Variants in TEX2 observed in about 807,000 individuals in gnomAD.
TEX2 encodes the protein testis-expressed protein 2.
Under a neutral mutation model 106.9 loss-of-function variants are expected in TEX2, and 53 were observed. The ratio of observed to expected loss-of-function variants is 0.50; its 90% CI spans 0.40 to 0.62. The LOEUF (loss-of-function observed/expected upper bound fraction) is 0.62, where lower values mean the gene tolerates loss of function less well. Among genes scored for constraint, TEX2 ranks in the 20% least tolerant of loss-of-function variants. TEX2 has a pLI of 0.00. For missense variants in TEX2, 1,207 were observed against 1,379.0 expected (o/e 0.88, Z 1.98); for synonymous variants, 523 against 534.8 (o/e 0.98, Z 0.30).
chr17:64,250,176 C>T (rs1240325845), intron 1 of TEX2, among the ~76,000 whole-genome samples: 1 of 152,240 alleles, frequency 6.6e-6, no homozygotes, highest in East Asian at 1.9e-4. Flanking sequence ...AGATCAGCCA[C>T]TGTCAGGGAC....
intron 5 of TEX2, among the ~76,000 whole-genome samples, chr17:64,178,234 C>A (rs2031693803): frequency 6.6e-6 from 1 of 152,218 alleles, no homozygotes; most frequent in South Asian, 2.1e-4. Flanking sequence ...AAACCCAAGT[C>A]TCCGATTTCC....
intron 7 of TEX2, among the ~76,000 whole-genome samples, chr17:64,164,410 CCT>C (rs1226683089): frequency 1.3e-5 from 2 of 151,714 alleles, no homozygotes; most frequent in Admixed American, 6.6e-5. Context: ...TGCACTCTAG[CCT>C]CTGTCTCAAA....
Position 64,147,694 on chromosome 17 carries a change from C to CA in TEX2, c.*1274dup. ...ACTGGAATGGTCAAACAATTTAAGT[C>CA]AAATGTTTTAATGGTGCAATTAAAA... On this transcript the variant is annotated 3_prime_UTR_variant, in exon 12 of 12. Transcript: ENST00000584379. The CA allele has an allele frequency of 6.6e-6, 1 of 152,626 alleles. No individual in the cohort carries two copies. Among genetic ancestry groups the CA allele is most frequent in the South Asian group, 2.1e-4 (1 of 4,822 alleles). The allele number at this position is 152,626 out of a possible 1,614,324, so 9.5% of individuals were successfully genotyped here.
chr17:64,188,306 C>T lies in TEX2; in HGVS notation c.2286G>A (p.Lys762=), dbSNP rs1598157103. 6.2e-7 allele frequency: 1 copy of T among 1,614,178 alleles called. No individual in the cohort carries two copies. The highest frequency in any genetic ancestry group is 8.5e-7 in the Non-Finnish European group (1 of 1,180,036). ...VEEIMSQPKQ[K]ELAGSVRQKM... is the part of the protein sequence containing the mutation. The stretch of plus-strand genomic sequence containing the variant: ...TCTGCCGCACGCTGCCTGCCAGCTC[C>T]TTCTGCTTTGGCTGTGACATGATCT... The change falls in exon 5 of 12, where the codon AAG becomes AAA. Residue 762 remains lysine, a synonymous_variant. Transcript: ENST00000584379.
At chr17:64,171,776 C>T (rs374921437) in intron 6 of TEX2, among the ~76,000 whole-genome samples, 15 of 151,722 alleles carry the variant, frequency 9.9e-5, no homozygotes, top group African/African-American at 3.4e-4. Context: ...GTCAGGAGTT[C>T]GAGACCAGCC....
chr17:64,213,558 A>G lies in TEX2; in HGVS notation c.660T>C (p.Ser220=). The part of the protein sequence containing the change: ...HRHLMKTLVK[S]LSTDTSRQES... The stretch of plus-strand genomic sequence containing the variant: ...CCTGCCGGGAAGTGTCCGTGGACAG[A>G]GACTTGACTAATGTCTTCATCAAGT... The change falls in exon 2 of 12, where the codon TCT becomes TCC. Residue 220 remains serine, a synonymous_variant. Transcript: ENST00000584379. This position sits in a 1 kb window ranked among gnomAD's most constrained non-coding sequence, Gnocchi z 4.4. 6.2e-7 allele frequency: 1 copy of G among 1,614,126 alleles called. No individual in the cohort carries two copies. Among genetic ancestry groups the G allele is most frequent in the Non-Finnish European group, 8.5e-7 (1 of 1,180,020 alleles).
At chr17:64,251,866 G>A (rs977604845) in intron 1 of TEX2, among the ~76,000 whole-genome samples, 2 of 152,182 alleles carry the variant, frequency 1.3e-5, no homozygotes, top group Non-Finnish European at 2.9e-5. Flanking sequence ...GGTCTACTCA[G>A]AAACACTTGG....
At chr17:64,235,554 C>A (rs1330742166) in intron 1 of TEX2, among the ~76,000 whole-genome samples, 2 of 152,208 alleles carry the variant, frequency 1.3e-5, no homozygotes, top group Non-Finnish European at 1.5e-5. Flanking sequence ...CAGTAATTCA[C>A]AGACCAGGCT....
intron 1 of TEX2, among the ~76,000 whole-genome samples, chr17:64,224,315 A>C (rs563281432): frequency 1.3e-5 from 2 of 152,356 alleles, no homozygotes; most frequent in Non-Finnish European, 2.9e-5. Context: ...AGAGCAAAAC[A>C]GTGAATCTGG....
chr17:64,259,708 T>A (rs1239869567), intron 1 of TEX2, among the ~76,000 whole-genome samples: 1 of 152,240 alleles, frequency 6.6e-6, no homozygotes, highest in Non-Finnish European at 1.5e-5. Flanking sequence ...ATCCTGTCAG[T>A]GGACAGCATG....
At chr17:64,262,235 C>G (rs1474436182) in intron 1 of TEX2, among the ~76,000 whole-genome samples, 2 of 152,184 alleles carry the variant, frequency 1.3e-5, no homozygotes, top group African/African-American at 4.8e-5. Context: ...AGGATGTCCT[C>G]CCTGGACAGT....
intron 1 of TEX2, among the ~76,000 whole-genome samples, chr17:64,236,069 T>C (rs2033759568): frequency 6.6e-6 from 1 of 151,856 alleles, no homozygotes; most frequent in African/African-American, 2.4e-5. Flanking sequence ...CTCCTTGAAA[T>C]AGCAATCTAA....
At chr17:64,259,337 T>A (rs1340506414) in intron 1 of TEX2, among the ~76,000 whole-genome samples, 1 of 152,208 alleles carries the variant, frequency 6.6e-6, no homozygotes, top group East Asian at 1.9e-4. Flanking sequence ...TAATTACGCA[T>A]TATAAAGAGT....
At chr17:64,161,910 C>T (rs758234174) in intron 7 of TEX2, among the ~76,000 whole-genome samples, 1 of 152,068 alleles carries the variant, frequency 6.6e-6, no homozygotes, top group Non-Finnish European at 1.5e-5. Flanking sequence ...TAATCTAAAA[C>T]CATCGTTCAC....
At chr17:64,244,610 T>G (rs2033953494) in intron 1 of TEX2, among the ~76,000 whole-genome samples, 1 of 152,186 alleles carries the variant, frequency 6.6e-6, no homozygotes, top group African/African-American at 2.4e-5. Flanking sequence ...TTTCTTCAAC[T>G]AGGCATTTCT....
rs1014143328 is a variant in TEX2 at position 64,147,382 on chromosome 17, T to TTATTG, written c.*1582_*1586dup. The TTATTG allele has an allele frequency of 2.0e-5, 3 of 152,156 alleles. No individual in the cohort carries two copies. The highest frequency in any genetic ancestry group is 2.0e-4 in the Admixed American group (3 of 15,264). 9.4% of individuals were successfully genotyped at this position (152,156 alleles called of 1,614,324 possible). On this transcript the variant is annotated 3_prime_UTR_variant, in exon 12 of 12. Coordinates refer to ENST00000584379, the MANE Select transcript of TEX2 (RefSeq NM_001288732.2). ...AGGGCCCCGGTGCTCTGTACTCATT[T>TTATTG]TATTGTGCCCCTATCTGAACAGGAT...
chr17:64,154,345 GT>G (rs35792077), intron 9 of TEX2, among the ~76,000 whole-genome samples: 25,599 of 152,208 alleles, frequency 0.17, 3,213 homozygotes, highest in African/African-American at 0.35. Flanking sequence ...CACAGCCCAA[GT>G]TAACAGGGAA....
At position 64,195,302 on chromosome 17, in the gene TEX2, T is replaced by A. The variant is rs1456762455; in HGVS notation, c.1645-207A>T. Among the ~76,000 whole-genome samples, 9 of 152,178 alleles carry A rather than the reference T, an allele frequency of 5.9e-5. No homozygotes were observed. The highest frequency in any genetic ancestry group is 1.3e-4 in the Non-Finnish European group (9 of 68,030). The stretch of plus-strand genomic sequence containing the variant: ...AGGAGGTTTTTGATAACCAAAAATC[T>A]GGATTTGGAGGAAAAATGGCAATGT... On this transcript the variant is annotated intron_variant, in intron 2 of 11. Transcript: ENST00000584379. The surrounding 1 kb of genome is among the most constrained non-coding windows in gnomAD (Gnocchi z 4.1).
intron 1 of TEX2, among the ~76,000 whole-genome samples, chr17:64,228,929 TACACACACACACACACACACACACACAC>T (rs57741930): frequency 4.1e-5 from 6 of 146,648 alleles, no homozygotes; most frequent in African/African-American, 7.6e-5. Context: ...GACTGACAGG[TACACACACACACACACACACACACACAC>T]ACACACACAC....
Sources: allele counts gnomAD v4.1 joint callset (sites outside exome capture counted in the v4.1 genomes callset), GRCh38; gene constraint gnomAD v4.1.1; non-coding constraint Gnocchi (gnomAD v3.1); transcripts MANE v1.5; gene names NCBI Gene and HGNC (gene_info 2026-07-23, HGNC 2026-07-21).